FSD1L: variants seen among roughly 807,000 people sequenced by gnomAD.
FSD1L encodes FSD1-like protein.
A neutral mutation model predicts 71.6 loss-of-function variants in FSD1L; 45 were observed. The observed-to-expected ratio is 0.63, with a 90% confidence interval of 0.49 to 0.81. The LOEUF is 0.81. Among genes scored for constraint, FSD1L ranks in the 30% least tolerant of loss-of-function variants. The pLI is 0.00. For synonymous variants in FSD1L, 197 were observed against 207.2 expected, an observed-to-expected ratio of 0.95 and a Z score of 0.42; for missense variants, 561 against 618.1, an observed-to-expected ratio of 0.91 and a Z score of 0.98.
Position 105,477,840 on chromosome 9 carries a change from A to G in FSD1L, c.442-1514A>G, listed in dbSNP as rs1588967167. ...TGTAGCACGTGGGAATGATTTTCGG[A>G]AACATTAAGAAACAAAATTCCTTAG... On this transcript the variant is annotated intron_variant, in intron 5 of 13. Transcript: ENST00000481272. Among the ~76,000 whole-genome samples the G allele has an allele frequency of 1.3e-5, 2 of 152,326 alleles. 1 individual carries two copies. Among genetic ancestry groups the G allele is most frequent in the East Asian group, 3.9e-4 (2 of 5,186 alleles).
chr9:105,454,472 C>T (rs1031190083), intron 1 of FSD1L, among the ~76,000 whole-genome samples: 4 of 152,182 alleles, frequency 2.6e-5, no homozygotes, highest in African/African-American at 9.7e-5. Flanking sequence ...AATGGAATTA[C>T]TGAGTCAATG....
At chr9:105,499,899 T>C (rs995095463) in intron 7 of FSD1L, among the ~76,000 whole-genome samples, 1 of 152,196 alleles carries the variant, frequency 6.6e-6, no homozygotes, top group African/African-American at 2.4e-5. Context: ...CTTTGCTGTT[T>C]CATCTTGCAG....
intron 1 of FSD1L, among the ~76,000 whole-genome samples, chr9:105,459,920 G>C (rs901185285): frequency 6.6e-6 from 1 of 152,086 alleles, no homozygotes; most frequent in African/African-American, 2.4e-5. Flanking sequence ...TTTGGCATTA[G>C]GGTAAAGCAA....
intron 10 of FSD1L, among the ~76,000 whole-genome samples, chr9:105,515,311 T>C (rs929699620): frequency 2.0e-5 from 3 of 152,162 alleles, no homozygotes; most frequent in South Asian, 2.1e-4. Flanking sequence ...TTGTGGCTAA[T>C]GTGGAGCTGA....
intron 10 of FSD1L, chr9:105,526,046 T>C (rs1835486771): frequency 1.3e-6 from 2 of 1,502,692 alleles, no homozygotes; most frequent in South Asian, 2.3e-5. Context: ...CTTATTGTAA[T>C]ATATCCAATG....
At chr9:105,495,481 G>A (rs1298622345) in intron 7 of FSD1L, among the ~76,000 whole-genome samples, 15 of 152,262 alleles carry the variant, frequency 9.9e-5, no homozygotes, top group Admixed American at 1.3e-4. Flanking sequence ...GCCCTGCTTC[G>A]GCTCGTGCAG....
chr9:105,498,516 C>T (rs1357936757), intron 7 of FSD1L, among the ~76,000 whole-genome samples: 4 of 151,998 alleles, frequency 2.6e-5, no homozygotes, highest in African/African-American at 9.7e-5. Context: ...TGTATCTAAA[C>T]ATATCTAAAC....
chr9:105,479,293 T>C, intron 5 of FSD1L, 61 bp from the exon 6 acceptor site: 3 of 1,490,086 alleles, frequency 2.0e-6, no homozygotes, highest in Non-Finnish European at 2.7e-6. Flanking sequence ...GTCACTGCCA[T>C]TGAAACTTGC....
At position 105,495,037 on chromosome 9, in the gene FSD1L, T is replaced by TCAGA. The variant is rs560602890; in HGVS notation, c.586+10538_586+10539insACAG. On this transcript the variant is annotated intron_variant, in intron 7 of 13. Coordinates refer to ENST00000481272, the MANE Select transcript of FSD1L (RefSeq NM_001145313.3). Reference sequence around the variant, plus strand: ...AGAGCCACTGCTCTCTTCAAAGCTGTCAGGGACATTGAAGTCTGCAGAGGT... The same window carrying TCAGA: ...AGAGCCACTGCTCTCTTCAAAGCTGTCAGACAGGGACATTGAAGTCTGCAGAGGT... Among the ~76,000 whole-genome samples, 1,397 of 152,230 alleles carry TCAGA rather than the reference T, an allele frequency of 9.2e-3. 21 individuals are homozygous for TCAGA. Among genetic ancestry groups the TCAGA allele is most frequent in the African/African-American group, 0.032 (1,337 of 41,534 alleles).
chr9:105,449,870 A>G (rs373716143), intron 1 of FSD1L, among the ~76,000 whole-genome samples: 1 of 152,326 alleles, frequency 6.6e-6, no homozygotes, highest in East Asian at 1.9e-4. Flanking sequence ...TAGGGTACCT[A>G]CAGGTTACCA....
intron 10 of FSD1L, chr9:105,523,260 C>T (rs949202810): frequency 3.7e-6 from 6 of 1,606,064 alleles, no homozygotes; most frequent in Admixed American, 3.3e-5. Context: ...GTCACAGACT[C>T]CTTCCCCTTC....
At chr9:105,538,160 G>C (rs1365332847) in intron 12 of FSD1L, among the ~76,000 whole-genome samples, 1 of 152,134 alleles carries the variant, frequency 6.6e-6, no homozygotes, top group African/African-American at 2.4e-5. Context: ...AAATATTTGA[G>C]ACAGCATTAC....
intron 10 of FSD1L, chr9:105,525,825 A>G (rs1390582544): frequency 2.2e-5 from 35 of 1,605,912 alleles, no homozygotes; most frequent in Admixed American, 8.3e-5. Context: ...GAGGACTACA[A>G]AAAAACAAAA....
At chr9:105,456,397 T>G (rs1257545740) in intron 1 of FSD1L, among the ~76,000 whole-genome samples, 1 of 152,212 alleles carries the variant, frequency 6.6e-6, no homozygotes, top group African/African-American at 2.4e-5. Flanking sequence ...ATTAATAATA[T>G]GTATAGAGCT....
intron 7 of FSD1L, among the ~76,000 whole-genome samples, chr9:105,495,206 G>A (rs978641871): frequency 5.3e-5 from 8 of 152,310 alleles, no homozygotes; most frequent in African/African-American, 1.4e-4. Flanking sequence ...GGGCAATGGC[G>A]GGTGCCCCTC....
intron 13 of FSD1L, among the ~76,000 whole-genome samples, chr9:105,540,164 T>C (rs533557647): frequency 1.6e-4 from 24 of 152,228 alleles, no homozygotes; most frequent in African/African-American, 5.3e-4. Context: ...TTTTAAAAAA[T>C]TTTTTGTCCT....
At chr9:105,483,453 A>G (rs1031456475) in intron 6 of FSD1L, among the ~76,000 whole-genome samples, 3 of 152,096 alleles carry the variant, frequency 2.0e-5, no homozygotes, top group African/African-American at 7.2e-5. Flanking sequence ...CAAATTGTGT[A>G]CTAGGAGGAC....
Position 105,486,782 on chromosome 9 carries a change from G to A in FSD1L, c.586+2280G>A, listed in dbSNP as rs141869226. 2.2e-4 allele frequency among the ~76,000 whole-genome samples: 33 copies of A among 152,006 alleles called. No homozygotes were observed. The East Asian group carries it at 5.0e-3, about 23-fold the overall frequency. ...TAAAGTTACTTTAGTATTTTTGTTG[G>A]AAAAAAATATATGCATGTGGTAAAC... On this transcript the variant is annotated intron_variant, in intron 7 of 13. Transcript: ENST00000481272.
chr9:105,551,666 TATTC>T lies in FSD1L; in HGVS notation c.*5187_*5190del, dbSNP rs1192666123. On this transcript the variant is annotated 3_prime_UTR_variant, in exon 14 of 14. Coordinates refer to ENST00000481272, the MANE Select transcript of FSD1L (RefSeq NM_001145313.3). ...AAACCCCAATTAAAATGTTCTTTAA[TATTC>T]ATTTAATTTGTGCATGACTTGTGGC... The T allele has an allele frequency of 6.6e-6, 1 of 152,246 alleles. No individual in the cohort carries two copies. The highest frequency in any genetic ancestry group is 1.5e-5 in the Non-Finnish European group (1 of 68,022). The allele number at this position is 152,246 out of a possible 1,614,324, so 9.4% of individuals were successfully genotyped here.
Sources: allele counts gnomAD v4.1 joint callset (sites outside exome capture counted in the v4.1 genomes callset), GRCh38; gene constraint gnomAD v4.1.1; transcripts MANE v1.5; gene names NCBI Gene and HGNC (gene_info 2026-07-23, HGNC 2026-07-21).